Variants in DUOXA2 observed in about 807,000 individuals in gnomAD.
DUOXA2 encodes dual oxidase maturation factor 2.
In DUOXA2, 22 loss-of-function variants were observed where a neutral mutation model predicts 27.6. The observed-to-expected ratio is 0.80, with a 90% CI of 0.57 to 1.14. DUOXA2 has a LOEUF of 1.14. DUOXA2 is among the 50% of genes most tolerant of loss of function. The probability of loss-of-function intolerance (pLI) is 0.00; values close to 1 mark genes in which losing one functional copy is unlikely to be tolerated. For missense variants in DUOXA2, 481 were observed against 419.9 expected (o/e 1.15, Z -1.27); for synonymous variants, 188 against 184.4 (o/e 1.02, Z -0.16).
chr15:45,115,122 G>A (rs1009814223), intron 1 of DUOXA2, among the ~76,000 whole-genome samples: 9 of 152,286 alleles, frequency 5.9e-5, no homozygotes, highest in Admixed American at 5.9e-4. Context: ...CAGGCCAAAA[G>A]GACAGATGCC....
intron 1 of DUOXA2, 121 bp from the exon 2 acceptor site, chr15:45,115,678 C>T: frequency 8.4e-7 from 1 of 1,196,802 alleles, no homozygotes; most frequent in South Asian, 1.3e-5. Context: ...GAAAAGCGTG[C>T]CTAACATTAG....
In DUOXA2 at chr15:45,114,456, C is replaced by T; in HGVS notation, c.-150C>T. The T allele has an allele frequency of 2.9e-6, 3 of 1,036,402 alleles. No homozygotes were observed. Among genetic ancestry groups the T allele is most frequent in the Non-Finnish European group, 4.3e-6 (3 of 702,976 alleles). 64.2% of individuals were successfully genotyped at this position (1,036,402 alleles called of 1,614,324 possible). A position where few individuals can be genotyped will look rare whatever the true frequency, so the allele number is the denominator to read the frequency against. On this transcript the variant is annotated 5_prime_UTR_variant, in exon 1 of 6. In the 5' UTR this introduces an upstream ATG that the reference lacks. Transcript: ENST00000323030. ...GCAGCCCACCTCCACGCTTCCTTAA[C>T]GGAGAGGTGCAGGACTCAGACTTCA...
Position 45,117,957 on chromosome 15 carries a change from G to A in DUOXA2, c.*48G>A, listed in dbSNP as rs756753743. 3.1e-6 allele frequency: 5 copies of A among 1,612,786 alleles called. No individual in the cohort carries two copies. The highest frequency in any genetic ancestry group is 3.4e-6 in the Non-Finnish European group (4 of 1,179,700). ...TCCCCGCCTTGGGACATCGCAGGCC[G>A]GGAAGCAGTGCCCGCCAGGCCTGGG... On this transcript the variant is annotated 3_prime_UTR_variant, in exon 6 of 6. Transcript: ENST00000323030.
chr15:45,116,837 C>T (rs1214201824), intron 4 of DUOXA2, 108 bp downstream of exon 4: 7 of 1,358,742 alleles, frequency 5.2e-6, no homozygotes, highest in Middle Eastern at 2.4e-4. Flanking sequence ...CAGCCAGACC[C>T]GACGCGCTCG....
At position 45,117,717 on chromosome 15, in the gene DUOXA2, C is replaced by T. The variant is rs766823135; in HGVS notation, c.771C>T (p.Gly257=). 6 of 1,613,230 alleles carry T rather than the reference C, an allele frequency of 3.7e-6. No individual in the cohort carries two copies. The highest frequency in any genetic ancestry group is 2.2e-5 in the South Asian group (2 of 91,052). Residue 257 remains glycine, a splice_region_variant and synonymous_variant, in exon 6 of 6, where the codon GGC becomes GGT. Coordinates refer to ENST00000323030, the MANE Select transcript of DUOXA2 (RefSeq NM_207581.4). ...GAAFWVTLAT[G]VLCLFLGGAV... ...TTCTTTCGATCCCCACCGCCACAGG[C>T]GTCCTGTGCCTCTTCCTCGGAGGGG...
Position 45,117,160 on chromosome 15 carries a change from G to T in DUOXA2, c.624G>T (p.Leu208=). The change falls in exon 5 of 6, where the codon CTG becomes CTT. Residue 208 remains leucine (L), a synonymous_variant. Transcript: ENST00000323030. ...CGCCGGCCCCGCTCTACGGAGGCCTGGCACTGCTGACCACCGGAGCCTTCG... is the reference window on the plus strand; with the variant it reads ...CGCCGGCCCCGCTCTACGGAGGCCTTGCACTGCTGACCACCGGAGCCTTCG... ...LSTPAPLYGG[L]ALLTTGAFAL... 6.2e-7 allele frequency: 1 copy of T among 1,604,172 alleles called. No individual in the cohort carries two copies.
chr15:45,116,944 G>T (rs1566982349), intron 4 of DUOXA2, 147 bp from the exon 5 acceptor site: 1 of 1,122,660 alleles, frequency 8.9e-7, no homozygotes, highest in South Asian at 1.4e-5. Flanking sequence ...TCAGGAGCCC[G>T]CTTCTCCCCC....
Position 45,118,075 on chromosome 15 carries a change from A to C in DUOXA2, c.*166A>C. 6.5e-7 allele frequency: 1 copy of C among 1,534,990 alleles called. No homozygotes were observed. Among genetic ancestry groups the C allele is most frequent in the South Asian group, 1.2e-5 (1 of 81,388 alleles). On this transcript the variant is annotated 3_prime_UTR_variant, in exon 6 of 6. Transcript: ENST00000323030. ...GGAAAGTCTCCTGGGGCGATCTGTA[A>C]ATAAACCTTTTTTTCTTTTGTTTTT...
At chr15:45,115,647 G>C (rs1595532733) in intron 1 of DUOXA2, 152 bp from the exon 2 acceptor site, 1 of 911,650 alleles carries the variant, frequency 1.1e-6, no homozygotes, top group East Asian at 2.6e-5. Flanking sequence ...AGAAATGCCA[G>C]TAGCCCAGAG....
At chr15:45,115,359 C>T (rs1369665065) in intron 1 of DUOXA2, 3 of 441,504 alleles carry the variant, frequency 6.8e-6, no homozygotes, top group Non-Finnish European at 1.4e-5. Flanking sequence ...GGAACTGGTG[C>T]ACCTAGGAGT....
rs1368033386 is a variant in DUOXA2, at chr15:45,118,060, CT to C, written c.*152del. 1 of 1,554,766 alleles carries C rather than the reference CT, an allele frequency of 6.4e-7. No homozygotes were observed. The highest frequency in any genetic ancestry group is 8.7e-7 in the Non-Finnish European group (1 of 1,152,288). On this transcript the variant is annotated 3_prime_UTR_variant, in exon 6 of 6. Transcript: ENST00000323030. ...ATCCGCAGGCACCAGGGAAAGTCTC[CT>C]GGGGCGATCTGTAAATAAACCTTTT...
chr15:45,114,472 T>C lies in DUOXA2; in HGVS notation c.-134T>C. ...CTTCCTTAACGGAGAGGTGCAGGAC[T>C]CAGACTTCACCAGCCCACTCGGTCC... On this transcript the variant is annotated 5_prime_UTR_variant, in exon 1 of 6. Coordinates refer to ENST00000323030, the MANE Select transcript of DUOXA2 (RefSeq NM_207581.4). The C allele has an allele frequency of 1.6e-6, 2 of 1,252,154 alleles. No individual in the cohort carries two copies. Among genetic ancestry groups the C allele is most frequent in the Non-Finnish European group, 1.1e-6 (1 of 891,068 alleles). 77.6% of individuals were successfully genotyped at this position (1,252,154 alleles called of 1,614,324 possible).
chr15:45,117,822 G>A lies in DUOXA2; in HGVS notation c.876G>A (p.Glu292=). The change falls in exon 6 of 6, where the codon GAG becomes GAA. Residue 292 remains glutamate (E), a synonymous_variant. Transcript: ENST00000323030. ...LDQSAKDCSQ[E]RGGSPLILGD... Reference sequence around the variant, plus strand: ...AAAGCGCCAAGGACTGCAGCCAGGAGAGAGGGGGCTCACCTCTTATCCTCG... The same window carrying A: ...AAAGCGCCAAGGACTGCAGCCAGGAAAGAGGGGGCTCACCTCTTATCCTCG... 1.9e-6 allele frequency: 3 copies of A among 1,613,920 alleles called. No individual in the cohort carries two copies. The highest frequency in any genetic ancestry group is 2.5e-6 in the Non-Finnish European group (3 of 1,180,042).
intron 4 of DUOXA2, 87 bp from the exon 5 acceptor site, chr15:45,117,004 G>T: frequency 6.8e-7 from 1 of 1,461,398 alleles, no homozygotes; most frequent in Non-Finnish European, 9.3e-7. Context: ...TTTGACGCTG[G>T]GGTAGGGATA....
In DUOXA2 at chr15:45,117,970, C is replaced by G; in HGVS notation, c.*61C>G. The G allele has an allele frequency of 6.2e-7, 1 of 1,612,846 alleles. No homozygotes were observed. Among genetic ancestry groups the G allele is most frequent in the Non-Finnish European group, 8.5e-7 (1 of 1,179,786 alleles). ...ACATCGCAGGCCGGGAAGCAGTGCC[C>G]GCCAGGCCTGGGCCAGGAGAGCTCC... On this transcript the variant is annotated 3_prime_UTR_variant, in exon 6 of 6. Coordinates refer to ENST00000323030, the MANE Select transcript of DUOXA2 (RefSeq NM_207581.4).
Position 45,116,627 on chromosome 15 carries a change from C to T in DUOXA2, c.452C>T (p.Pro151Leu). The change falls in exon 4 of 6, where the codon CCG (proline) becomes CTG (leucine). Residue 151 changes from proline (P) to leucine (L), a missense_variant. Coordinates refer to ENST00000323030, the MANE Select transcript of DUOXA2 (RefSeq NM_207581.4). The part of the protein sequence containing the change: ...EYANALEKGL[P>L]DPVLYLAEKF... ...GCGAACGCACTGGAGAAGGGGCTGC[C>T]GGACCCAGTGCTCTACCTGGCGGAG... 1 of 1,613,896 alleles carries T rather than the reference C, an allele frequency of 6.2e-7. No homozygotes were observed.
Position 45,118,156 on chromosome 15 carries a change from C to G in DUOXA2, c.*247C>G, listed in dbSNP as rs973323984. On this transcript the variant is annotated 3_prime_UTR_variant, in exon 6 of 6. Coordinates refer to ENST00000323030, the MANE Select transcript of DUOXA2 (RefSeq NM_207581.4). ...GCTTCTCCGCGCCGGGGTCGCACGT[C>G]CTCATGAGCTTCGCTGGGCTGGAGA... 2 of 1,438,004 alleles carry G rather than the reference C, an allele frequency of 1.4e-6. No homozygotes were observed. Among genetic ancestry groups the G allele is most frequent in the African/African-American group, 2.9e-5 (2 of 69,776 alleles). The allele number at this position is 1,438,004 out of a possible 1,614,324, so 89.1% of individuals were successfully genotyped here. A position where few individuals can be genotyped will look rare whatever the true frequency, so the allele number is the denominator to read the frequency against.
Position 45,114,492 on chromosome 15 carries a change from C to G in DUOXA2, c.-114C>G, listed in dbSNP as rs932555029. 6 of 1,456,860 alleles carry G rather than the reference C, an allele frequency of 4.1e-6. No homozygotes were observed. Among genetic ancestry groups the G allele is most frequent in the East Asian group, 2.4e-5 (1 of 40,890 alleles). The allele number at this position is 1,456,860 out of a possible 1,614,324, so 90.2% of individuals were successfully genotyped here. ...AGGACTCAGACTTCACCAGCCCACTCGGTCCCAGCCTTGTACGCAAAGAGA... is the reference window on the plus strand; with the variant it reads ...AGGACTCAGACTTCACCAGCCCACTGGGTCCCAGCCTTGTACGCAAAGAGA... On this transcript the variant is annotated 5_prime_UTR_variant, in exon 1 of 6. Transcript: ENST00000323030.
rs1275935622 is a variant in DUOXA2 at position 45,116,646 on chromosome 15, G to A, written c.471G>A (p.Leu157=). Residue 157 remains leucine (L), a synonymous_variant, in exon 4 of 6, where the codon CTG becomes CTA. Coordinates refer to ENST00000323030, the MANE Select transcript of DUOXA2 (RefSeq NM_207581.4). The stretch of plus-strand genomic sequence containing the variant: ...GGCTGCCGGACCCAGTGCTCTACCT[G>A]GCGGAGAAGTTCACACCGAGTAGCC... ...EKGLPDPVLY[L]AEKFTPSSPC... 3.1e-6 allele frequency: 5 copies of A among 1,613,742 alleles called. No individual in the cohort carries two copies. Among genetic ancestry groups the A allele is most frequent in the Admixed American group, 1.7e-5 (1 of 60,012 alleles).
Sources: allele counts gnomAD v4.1 joint callset (sites outside exome capture counted in the v4.1 genomes callset), GRCh38; gene constraint gnomAD v4.1.1; transcripts MANE v1.5; gene names NCBI Gene and HGNC (gene_info 2026-07-23, HGNC 2026-07-21).